The following GATAD2A variants were observed in gnomAD, a reference collection of about 807,000 sequenced individuals.
The protein encoded by GATAD2A is GATA zinc finger domain containing 2A.
Under a neutral mutation model 68.5 loss-of-function variants are expected in GATAD2A, and 12 were observed. The observed-to-expected ratio is 0.18, with a 90% CI of 0.11 to 0.28. The LOEUF (loss-of-function observed/expected upper bound fraction) is 0.28. Among genes scored for constraint, GATAD2A ranks in the 10% least tolerant of loss-of-function variants. GATAD2A has a pLI of 1.00. For missense variants in GATAD2A, 755 were observed against 868.5 expected, an observed-to-expected ratio of 0.87 and a Z score of 1.64; for synonymous variants, 410 against 375.3, an observed-to-expected ratio of 1.09 and a Z score of -1.07.
At chr19:19,490,627 C>T (rs925106629) in intron 2 of GATAD2A, among the ~76,000 whole-genome samples, 1 of 152,048 alleles carries the variant, frequency 6.6e-6, no homozygotes, top group Admixed American at 6.6e-5. Flanking sequence ...TGATTCACTT[C>T]GATGAATGTA....
intron 1 of GATAD2A, chr19:19,464,789 C>T (rs1358339451): frequency 2.4e-5 from 4 of 168,366 alleles, no homozygotes; most frequent in Non-Finnish European, 5.2e-5. Context: ...TCCCCAGTCC[C>T]CACTCCCCAG....
intron 1 of GATAD2A, among the ~76,000 whole-genome samples, chr19:19,408,389 G>A (rs950392129): frequency 1.3e-5 from 2 of 152,194 alleles, no homozygotes; most frequent in African/African-American, 4.8e-5. Flanking sequence ...TATTTTGATA[G>A]TGAGGGAAAA....
chr19:19,439,915 C>G (rs754122965), intron 1 of GATAD2A, among the ~76,000 whole-genome samples: 2 of 152,138 alleles, frequency 1.3e-5, no homozygotes, highest in Non-Finnish European at 2.9e-5. Context: ...TCCAGCAAAT[C>G]CACTTCTGGA....
chr19:19,392,016 C>T (rs1248105375), intron 1 of GATAD2A, among the ~76,000 whole-genome samples: 4 of 151,120 alleles, frequency 2.6e-5, no homozygotes, highest in Non-Finnish European at 2.9e-5. Context: ...AGTTTGACTT[C>T]ATCCTCTCAG....
intron 2 of GATAD2A, among the ~76,000 whole-genome samples, chr19:19,486,362 A>G (rs779191781): frequency 1.3e-5 from 2 of 152,168 alleles, no homozygotes; most frequent in Non-Finnish European, 2.9e-5. Flanking sequence ...AGGCCCGACA[A>G]TCCAAAAGAA....
intron 1 of GATAD2A, among the ~76,000 whole-genome samples, chr19:19,460,921 C>T (rs1268957249): frequency 6.6e-6 from 1 of 152,222 alleles, no homozygotes; most frequent in Non-Finnish European, 1.5e-5. Context: ...GCTTCCGGTG[C>T]CGCCCGTTCC....
intron 2 of GATAD2A, among the ~76,000 whole-genome samples, chr19:19,484,483 G>GT (rs775143895): frequency 4.8e-5 from 7 of 147,244 alleles, no homozygotes; most frequent in Non-Finnish European, 7.5e-5. Flanking sequence ...ACTGATAACT[G>GT]TGTCCTTTTT....
chr19:19,471,132 T>C (rs1231596002), intron 2 of GATAD2A, among the ~76,000 whole-genome samples: 1 of 151,936 alleles, frequency 6.6e-6, no homozygotes, highest in Non-Finnish European at 1.5e-5. Context: ...GGCGTGCACC[T>C]GTAGTCCCAG....
intron 2 of GATAD2A, among the ~76,000 whole-genome samples, chr19:19,473,774 T>TAA (rs1192789940): frequency 1.4e-3 from 173 of 123,352 alleles, no homozygotes; most frequent in Admixed American, 3.6e-3. Context: ...CGTCTCTACT[T>TAA]AAAAAAAAAA....
intron 1 of GATAD2A, among the ~76,000 whole-genome samples, chr19:19,455,038 G>GT (rs942684678): frequency 6.6e-6 from 1 of 152,148 alleles, no homozygotes; most frequent in African/African-American, 2.4e-5. Flanking sequence ...GTGTCTTTGA[G>GT]TTCTACCAAC....
At chr19:19,436,763 T>C (rs1023855523) in intron 1 of GATAD2A, among the ~76,000 whole-genome samples, 1 of 152,222 alleles carries the variant, frequency 6.6e-6, no homozygotes, top group Non-Finnish European at 1.5e-5. Flanking sequence ...CCATCAAGCC[T>C]GGTCAGCGAC....
intron 1 of GATAD2A, among the ~76,000 whole-genome samples, chr19:19,419,834 A>G (rs2052130122): frequency 1.3e-5 from 2 of 151,800 alleles, no homozygotes; most frequent in South Asian, 2.1e-4. Context: ...CATCTTTGGT[A>G]GAGGAAGTTT....
intron 5 of GATAD2A, among the ~76,000 whole-genome samples, chr19:19,495,182 G>A (rs556927670): frequency 2.6e-5 from 4 of 152,224 alleles, no homozygotes; most frequent in African/African-American, 9.6e-5. Context: ...TTTTTGTAGA[G>A]ATGAGGTTTC....
intron 7 of GATAD2A, among the ~76,000 whole-genome samples, chr19:19,497,313 C>T (rs1303072063): frequency 1.3e-5 from 2 of 152,194 alleles, no homozygotes; most frequent in Non-Finnish European, 2.9e-5. Flanking sequence ...CCAGGCTGGC[C>T]CTGAACTCCT....
upstream of GATAD2A, among the ~76,000 whole-genome samples, chr19:19,404,635 A>G (rs2050025923): frequency 6.6e-6 from 1 of 152,144 alleles, no homozygotes; most frequent in Non-Finnish European, 1.5e-5. Flanking sequence ...GAGCCGAGAT[A>G]GCGCCACTGC....
At chr19:19,480,358 C>A (rs1300138950) in intron 2 of GATAD2A, among the ~76,000 whole-genome samples, 1 of 152,164 alleles carries the variant, frequency 6.6e-6, no homozygotes, top group Non-Finnish European at 1.5e-5. Flanking sequence ...ACCACCTATC[C>A]GTTGGGAAGT....
chr19:19,425,714 C>A (rs1462685703), intron 1 of GATAD2A, among the ~76,000 whole-genome samples: 1 of 152,160 alleles, frequency 6.6e-6, no homozygotes. Context: ...GCAGCAACTC[C>A]CATGGGCCCA....
intron 1 of GATAD2A, among the ~76,000 whole-genome samples, chr19:19,423,946 A>G (rs1016458587): frequency 6.6e-6 from 1 of 152,130 alleles, no homozygotes; most frequent in Admixed American, 6.5e-5. Context: ...TTTAAGAAAC[A>G]GTGTCTTGCT....
At position 19,501,533 on chromosome 19, in the gene GATAD2A, A is replaced by G; in HGVS notation, c.1503+117A>G. ...TAACTGCACGTCTAAATTGCAGTTA[A>G]TGGTGGTGTTGGGCGGCAAAAACAC... On this transcript the variant is annotated intron_variant, in intron 9 of 11. Coordinates refer to ENST00000683918, the MANE Select transcript of GATAD2A (RefSeq NM_001384528.1). 7 of 837,888 alleles carry G rather than the reference A, an allele frequency of 8.4e-6. No individual in the cohort carries two copies. The South Asian group carries it at 1.1e-4, about 13-fold the overall frequency. The allele number at this position is 837,888 out of a possible 1,614,324, so 51.9% of individuals were successfully genotyped here.
Sources: allele counts gnomAD v4.1 joint callset (sites outside exome capture counted in the v4.1 genomes callset), GRCh38; gene constraint gnomAD v4.1.1; transcripts MANE v1.5; gene names NCBI Gene and HGNC (gene_info 2026-07-23, HGNC 2026-07-21).